GPBP1: variants seen among roughly 807,000 people sequenced by gnomAD.
The protein encoded by GPBP1 is GC-rich promoter binding protein 1, also known as vasculin.
In GPBP1, 13 loss-of-function variants were observed where a neutral mutation model predicts 56.5. The ratio of observed to expected loss-of-function variants is 0.23; its 90% CI spans 0.15 to 0.37. The LOEUF (loss-of-function observed/expected upper bound fraction) is 0.37. Among genes scored for constraint, GPBP1 ranks in the 10% least tolerant of loss-of-function variants. The pLI, the probability that GPBP1 is intolerant of heterozygous loss-of-function variation, is 1.00. For synonymous variants in GPBP1, 204 were observed against 188.9 expected, an observed-to-expected ratio of 1.08 and a Z score of -0.66; for missense variants, 477 against 572.3, an observed-to-expected ratio of 0.83 and a Z score of 1.70.
Position 57,204,713 on chromosome 5 carries a change from C to G in GPBP1, c.-57-9361C>G, listed in dbSNP as rs1227727052. On this transcript the variant is annotated intron_variant, in intron 2 of 11. Coordinates refer to ENST00000506184, the MANE Select transcript of GPBP1 (RefSeq NM_022913.4). ...TTACAGAAGTGGTGCTTGTTTTGTTCAGGCACACAATATCAGTTTGACCTG... is the reference window on the plus strand; with the variant it reads ...TTACAGAAGTGGTGCTTGTTTTGTTGAGGCACACAATATCAGTTTGACCTG... Among the ~76,000 whole-genome samples, 3 of 152,072 alleles carry G rather than the reference C, an allele frequency of 2.0e-5. No homozygotes were observed. In the East Asian group the frequency reaches 5.8e-4, roughly 29 times the overall value.
chr5:57,238,729 C>G (rs1740662130), intron 6 of GPBP1, among the ~76,000 whole-genome samples: 1 of 152,108 alleles, frequency 6.6e-6, no homozygotes, highest in Admixed American at 6.6e-5. Flanking sequence ...TAGTAATTAG[C>G]TTAAGCATGG....
intron 1 of GPBP1, among the ~76,000 whole-genome samples, chr5:57,175,055 C>G (rs1753739448): frequency 6.6e-6 from 1 of 152,222 alleles, no homozygotes; most frequent in African/African-American, 2.4e-5. Flanking sequence ...TGGCAGCACA[C>G]CTGTCTTCGC....
Position 57,181,372 on chromosome 5 carries a change from C to A in GPBP1, c.-58+4972C>A, listed in dbSNP as rs565188712. On this transcript the variant is annotated intron_variant, in intron 2 of 11. Transcript: ENST00000506184. ...GAATTAAAGAGATGAGGCCGGATGC[C>A]TCGGTATTTTTGGCGCTGCGATCGC... Among the ~76,000 whole-genome samples, 89 of 150,938 alleles carry A rather than the reference C, an allele frequency of 5.9e-4. 1 individual carries two copies. Among genetic ancestry groups the A allele is most frequent in the Non-Finnish European group, 2.2e-4 (15 of 67,758 alleles).
At chr5:57,180,988 C>A (rs996719869) in intron 2 of GPBP1, among the ~76,000 whole-genome samples, 1 of 152,102 alleles carries the variant, frequency 6.6e-6, no homozygotes, top group African/African-American at 2.4e-5. Context: ...GTGATCCACC[C>A]ACCTCAACAA....
intron 3 of GPBP1, among the ~76,000 whole-genome samples, chr5:57,220,550 C>T (rs1380060469): frequency 6.6e-6 from 1 of 151,734 alleles, no homozygotes; most frequent in East Asian, 1.9e-4. Context: ...ACCTCTGCCC[C>T]CCAGGTTCAA....
chr5:57,228,336 T>C (rs183064676), intron 3 of GPBP1, among the ~76,000 whole-genome samples: 32 of 152,028 alleles, frequency 2.1e-4, no homozygotes, highest in African/African-American at 7.0e-4. Flanking sequence ...CCACCTGTAG[T>C]CCCAGCTACT....
chr5:57,219,349 C>A (rs1378226254), intron 3 of GPBP1, among the ~76,000 whole-genome samples: 3 of 117,754 alleles, frequency 2.5e-5, no homozygotes, highest in Admixed American at 1.1e-4. Flanking sequence ...GAACTCCAGC[C>A]TGGGTGACAG....
intron 3 of GPBP1, among the ~76,000 whole-genome samples, chr5:57,218,539 G>C (rs1755796232): frequency 6.6e-6 from 1 of 152,144 alleles, no homozygotes; most frequent in Non-Finnish European, 1.5e-5. Flanking sequence ...CATGTGTTCA[G>C]CAATTGGTCT....
chr5:57,195,942 G>A (rs1754721643), intron 2 of GPBP1, among the ~76,000 whole-genome samples: 1 of 122,102 alleles, frequency 8.2e-6, no homozygotes, highest in African/African-American at 3.2e-5. Context: ...GGCGGAGATT[G>A]TAGTGAGCTG....
intron 6 of GPBP1, among the ~76,000 whole-genome samples, chr5:57,244,100 TAGTA>T (rs1260205651): frequency 1.3e-5 from 2 of 152,240 alleles, no homozygotes; most frequent in Non-Finnish European, 2.9e-5. Flanking sequence ...TCTTTAGAAT[TAGTA>T]AGGATCTTTT....
At chr5:57,189,466 C>T (rs1754426550) in intron 2 of GPBP1, among the ~76,000 whole-genome samples, 1 of 152,200 alleles carries the variant, frequency 6.6e-6, no homozygotes, top group Admixed American at 6.5e-5. Context: ...CTATGTTGGA[C>T]AGGCAGGTCT....
chr5:57,244,476 T>C (rs1740991001), intron 6 of GPBP1, among the ~76,000 whole-genome samples: 1 of 152,222 alleles, frequency 6.6e-6, no homozygotes, highest in Non-Finnish European at 1.5e-5. Context: ...AACTGCCCCC[T>C]GCTTTAACAC....
intron 10 of GPBP1, among the ~76,000 whole-genome samples, chr5:57,254,191 G>A (rs1325917853): frequency 6.6e-6 from 1 of 152,162 alleles, no homozygotes; most frequent in Non-Finnish European, 1.5e-5. Flanking sequence ...CTCCCAGAGT[G>A]CTGGGATTAC....
chr5:57,207,496 G>A (rs1426658258), intron 2 of GPBP1, among the ~76,000 whole-genome samples: 1 of 152,146 alleles, frequency 6.6e-6, no homozygotes, highest in Non-Finnish European at 1.5e-5. Context: ...GCACCTAGGG[G>A]TGAATGTTTA....
At chr5:57,192,395 T>G (rs1754564698) in intron 2 of GPBP1, among the ~76,000 whole-genome samples, 1 of 152,156 alleles carries the variant, frequency 6.6e-6, no homozygotes, top group Non-Finnish European at 1.5e-5. Context: ...TCTAGGTGAT[T>G]GAGACCTGTA....
chr5:57,240,933 CA>C (rs1740796827), intron 6 of GPBP1, among the ~76,000 whole-genome samples: 1 of 148,358 alleles, frequency 6.7e-6, no homozygotes, highest in Admixed American at 6.8e-5. Context: ...GCCTGGGCAA[CA>C]AGAGCGAAAC....
chr5:57,227,986 T>C (rs1756270476), intron 3 of GPBP1, among the ~76,000 whole-genome samples: 1 of 152,108 alleles, frequency 6.6e-6, no homozygotes, highest in South Asian at 2.1e-4. Context: ...CTACAAAGTA[T>C]GAATTAAGGT....
rs183302650 is a variant in GPBP1, at chr5:57,212,837, T to A, written c.-57-1237T>A. On this transcript the variant is annotated intron_variant, in intron 2 of 11. Coordinates refer to ENST00000506184, the MANE Select transcript of GPBP1 (RefSeq NM_022913.4). Reference sequence around the variant, plus strand: ...GGCGCACACCACCACACCTAGCTAATTTTTTTTGTATTTTTGGTAGAGACA... The same window carrying A: ...GGCGCACACCACCACACCTAGCTAAATTTTTTTGTATTTTTGGTAGAGACA... Among the ~76,000 whole-genome samples, 475 of 151,286 alleles carry A rather than the reference T, an allele frequency of 3.1e-3. 4 individuals carry two copies. Among genetic ancestry groups the A allele is most frequent in the African/African-American group, 0.011 (454 of 41,202 alleles).
intron 2 of GPBP1, among the ~76,000 whole-genome samples, chr5:57,212,912 A>T (rs1755551845): frequency 6.6e-6 from 1 of 151,720 alleles, no homozygotes. Flanking sequence ...ACCTCAAGTG[A>T]TCCACCTGTC....
Sources: allele counts gnomAD v4.1 joint callset (sites outside exome capture counted in the v4.1 genomes callset), GRCh38; gene constraint gnomAD v4.1.1; transcripts MANE v1.5; gene names NCBI Gene and HGNC (gene_info 2026-07-23, HGNC 2026-07-21).